The following LRRC7 variants were observed in gnomAD, a reference collection of about 807,000 sequenced individuals.
LRRC7 encodes the protein leucine rich repeat containing 7, also known as leucine-rich repeat-containing protein 7.
Under a neutral mutation model 175.7 loss-of-function variants are expected in LRRC7, and 23 were observed. The ratio of observed to expected loss-of-function variants is 0.13; its 90% CI spans 0.09 to 0.19. The LOEUF is 0.19. Ranked by LOEUF, LRRC7 falls within the 10% of genes least tolerant of loss-of-function variation. The pLI is 1.00. For synonymous variants in LRRC7, 685 were observed against 680.9 expected (o/e 1.01, Z -0.09); for missense variants, 1,354 against 1,904.7 (o/e 0.71, Z 5.38).
chr1:70,073,837 C>T (rs1280201759), intron 23 of LRRC7, among the ~76,000 whole-genome samples: 6 of 152,324 alleles, frequency 3.9e-5, no homozygotes, highest in African/African-American at 1.2e-4. Flanking sequence ...GTTCCATCCC[C>T]GGCTCCTCTG....
chr1:69,792,291 G>T (rs766404696), intron 4 of LRRC7, 131 bp downstream of exon 4: 1 of 593,382 alleles, frequency 1.7e-6, no homozygotes, highest in Non-Finnish European at 3.0e-6. Context: ...TAATGCTCTT[G>T]TAAAGTTAAA....
intron 8 of LRRC7, among the ~76,000 whole-genome samples, chr1:69,964,160 T>C (rs1651426365): frequency 1.3e-5 from 2 of 152,172 alleles, no homozygotes; most frequent in African/African-American, 4.8e-5. Flanking sequence ...TTGGGCACAT[T>C]CGTTTGGTTT....
At chr1:69,995,510 C>G (rs574039698) in intron 11 of LRRC7, among the ~76,000 whole-genome samples, 17 of 151,576 alleles carry the variant, frequency 1.1e-4, no homozygotes, top group South Asian at 8.4e-4. Flanking sequence ...CCACTAACTC[C>G]TCATCTAGCA....
At chr1:69,623,724 A>G (rs1651028714) in intron 1 of LRRC7, among the ~76,000 whole-genome samples, 1 of 151,966 alleles carries the variant, frequency 6.6e-6, no homozygotes. Flanking sequence ...CTAATTTTGT[A>G]TTATTAGTAT....
chr1:69,682,047 T>A (rs188640311), intron 2 of LRRC7, among the ~76,000 whole-genome samples: 1 of 152,244 alleles, frequency 6.6e-6, no homozygotes, highest in African/African-American at 2.4e-5. Flanking sequence ...ATTTAGGCTA[T>A]TGGCAGAATT....
chr1:69,714,188 C>T (rs897002134), intron 2 of LRRC7, among the ~76,000 whole-genome samples: 2 of 152,126 alleles, frequency 1.3e-5, no homozygotes, highest in African/African-American at 4.8e-5. Flanking sequence ...TCTTCTACAC[C>T]AAGAAGACAT....
At position 70,126,393 on chromosome 1, in the gene LRRC7, C is replaced by T. The variant is rs150809075; in HGVS notation, c.*4506C>T. Among the ~76,000 whole-genome samples, 2,455 of 151,996 alleles carry T rather than the reference C, an allele frequency of 0.016. 53 individuals are homozygous for T. The highest frequency in any genetic ancestry group is 0.07 in the Admixed American group (1,073 of 15,262). On this transcript the variant is annotated 3_prime_UTR_variant, in exon 27 of 27. Coordinates refer to ENST00000651989, the MANE Select transcript of LRRC7 (RefSeq NM_001370785.2). Reference sequence around the variant, plus strand: ...GTTGAAGTTCCACTGTAGTTCCTTTCACAGAAATGCTAAATCTTACTGAGC... The same window carrying T: ...GTTGAAGTTCCACTGTAGTTCCTTTTACAGAAATGCTAAATCTTACTGAGC...
At chr1:69,905,781 G>A (rs1239486820) in intron 7 of LRRC7, among the ~76,000 whole-genome samples, 1 of 152,206 alleles carries the variant, frequency 6.6e-6, no homozygotes, top group Non-Finnish European at 1.5e-5. Flanking sequence ...CCAGTAATGG[G>A]ATGGCTGGGT....
chr1:69,817,710 T>G (rs904209517), intron 4 of LRRC7, among the ~76,000 whole-genome samples: 2 of 152,142 alleles, frequency 1.3e-5, no homozygotes, highest in Non-Finnish European at 2.9e-5. Context: ...ATCTGTGAAT[T>G]ACTTTGGGTA....
At chr1:69,828,537 C>T (rs999849146) in intron 5 of LRRC7, among the ~76,000 whole-genome samples, 6 of 151,974 alleles carry the variant, frequency 3.9e-5, no homozygotes, top group Non-Finnish European at 8.8e-5. Context: ...TAGCACCTTT[C>T]CATGTATTTA....
At chr1:69,766,556 TAGC>T (rs1409383175) in intron 3 of LRRC7, among the ~76,000 whole-genome samples, 2 of 152,106 alleles carry the variant, frequency 1.3e-5, no homozygotes, top group Non-Finnish European at 2.9e-5. Context: ...TTAAAGTAAT[TAGC>T]AGGAAAACCA....
At chr1:70,121,151 T>C (rs2102244393) in intron 26 of LRRC7, among the ~76,000 whole-genome samples, 1 of 152,070 alleles carries the variant, frequency 6.6e-6, no homozygotes, top group East Asian at 1.9e-4. Flanking sequence ...ATGTCCTCTG[T>C]TACTAATGTC....
chr1:69,993,048 G>A (rs952833987), intron 10 of LRRC7, among the ~76,000 whole-genome samples: 1 of 152,130 alleles, frequency 6.6e-6, no homozygotes, highest in African/African-American at 2.4e-5. Context: ...TTAGCTATAA[G>A]TCATACTTTC....
rs115009430 is a variant in LRRC7 at position 69,671,428 on chromosome 1, G to A, written c.3-6953G>A. 6.8e-3 allele frequency among the ~76,000 whole-genome samples: 1,030 copies of A among 152,150 alleles called. 5 individuals are homozygous for A. The highest frequency in any genetic ancestry group is 0.023 in the African/African-American group (973 of 41,520). ...CTCCTCAAGCAGGAGGAAGGAGTGA[G>A]TCTCTTTTGGAACCATGAGCTGTGC... On this transcript the variant is annotated intron_variant, in intron 1 of 26. Transcript: ENST00000651989.
chr1:69,986,110 C>T, intron 9 of LRRC7, 132 bp from the exon 10 acceptor site: 1 of 790,050 alleles, frequency 1.3e-6, no homozygotes, highest in East Asian at 2.7e-5. Flanking sequence ...ACAATTCCTC[C>T]ACATTCTTGC....
chr1:70,123,283 C>T lies in LRRC7; in HGVS notation c.*1396C>T, dbSNP rs1025950876. ...GGAGTTGGTTGCATGCATTATCTTT[C>T]ATAATTTTACATAGTTCTTTTGTTA... is the stretch of plus-strand genomic sequence containing the variant. On this transcript the variant is annotated 3_prime_UTR_variant, in exon 27 of 27. Coordinates refer to ENST00000651989, the MANE Select transcript of LRRC7 (RefSeq NM_001370785.2). The T allele has an allele frequency of 6.6e-6, 1 of 152,012 alleles. No homozygotes were observed. Among genetic ancestry groups the T allele is most frequent in the Non-Finnish European group, 1.5e-5 (1 of 67,936 alleles). The allele number at this position is 152,012 out of a possible 1,614,324, so 9.4% of individuals were successfully genotyped here.
chr1:70,025,749 G>A (rs896982626), intron 17 of LRRC7, among the ~76,000 whole-genome samples: 8 of 151,082 alleles, frequency 5.3e-5, no homozygotes, highest in Non-Finnish European at 7.4e-5. Flanking sequence ...TCTGCTAGTA[G>A]GCTAGTAAGT....
At chr1:69,844,139 AAAAAAGTC>A (rs1682060541) in intron 7 of LRRC7, among the ~76,000 whole-genome samples, 1 of 152,166 alleles carries the variant, frequency 6.6e-6, no homozygotes, top group Non-Finnish European at 1.5e-5. Context: ...CTGTTTCAAC[AAAAAAGTC>A]ACTTTATTTT....
Position 69,943,902 on chromosome 1 carries a change from T to TA in LRRC7, c.711+12338dup, listed in dbSNP as rs142961896. ...ATTTCTAGTTCCAAATAGGAAACAA[T>TA]AAAAAATGAAAGTTTTTTTTTTCAG... is the stretch of plus-strand genomic sequence containing the variant. On this transcript the variant is annotated intron_variant, in intron 8 of 26. Transcript: ENST00000651989. Among the ~76,000 whole-genome samples the TA allele has an allele frequency of 2.9e-3, 436 of 149,218 alleles. 4 individuals carry two copies. Among genetic ancestry groups the TA allele is most frequent in the East Asian group, 0.02 (102 of 5,088 alleles).
Sources: allele counts gnomAD v4.1 joint callset (sites outside exome capture counted in the v4.1 genomes callset), GRCh38; gene constraint gnomAD v4.1.1; transcripts MANE v1.5; gene names NCBI Gene and HGNC (gene_info 2026-07-23, HGNC 2026-07-21).